AOPEP: variants seen among roughly 807,000 people sequenced by gnomAD.
AOPEP encodes aminopeptidase O.
In AOPEP, 77 loss-of-function variants were observed where a neutral mutation model predicts 98.1. The observed-to-expected ratio is 0.78, with a 90% CI of 0.65 to 0.95. The LOEUF is 0.95. Ranked by LOEUF, AOPEP falls within the 40% of genes least tolerant of loss-of-function variation. The pLI is 0.00. For missense variants in AOPEP, 1,024 were observed against 1,024.7 expected, an observed-to-expected ratio of 1.00 and a Z score of 0.01; for synonymous variants, 346 against 365.3, an observed-to-expected ratio of 0.95 and a Z score of 0.60.
At chr9:95,105,276 A>C in the AOPEP span, among the ~76,000 whole-genome samples, 1 of 152,182 alleles carries the variant, frequency 6.6e-6, no homozygotes, top group Admixed American at 6.5e-5. Flanking sequence ...CTTTCTGTAC[A>C]TGGACATTCA....
intron 5 of AOPEP, among the ~76,000 whole-genome samples, chr9:94,856,013 C>T (rs2044165622): frequency 6.6e-6 from 1 of 152,170 alleles, no homozygotes; most frequent in Non-Finnish European, 1.5e-5. Flanking sequence ...TGGGGTTGCT[C>T]ACACCCTATG....
chr9:95,119,908 T>TA, the AOPEP span, among the ~76,000 whole-genome samples: 3 of 152,170 alleles, frequency 2.0e-5, no homozygotes, highest in Admixed American at 2.0e-4. Context: ...AAAGGGGTCT[T>TA]ACTTTGTTGC....
intron 1 of AOPEP, among the ~76,000 whole-genome samples, chr9:94,728,753 C>T (rs1201017697): frequency 6.6e-6 from 1 of 152,198 alleles, no homozygotes; most frequent in African/African-American, 2.4e-5. Flanking sequence ...CAGAGGCCAC[C>T]TTCAGGCTAT....
rs1588462113 is a variant in AOPEP, at chr9:94,835,645, G to C, written c.1364+34643G>C. 2.0e-5 allele frequency among the ~76,000 whole-genome samples: 3 copies of C among 152,300 alleles called. No individual in the cohort carries two copies. In the South Asian group the frequency reaches 6.2e-4, roughly 32 times the overall value. ...CCTGTTTATGTTGAAATCTTGCTCT[G>C]TCTCTTTCTGTTTAAACCAGACCAG... On this transcript the variant is annotated intron_variant, in intron 5 of 16. Transcript: ENST00000375315.
At chr9:95,029,070 C>T (rs929233734) in intron 13 of AOPEP, among the ~76,000 whole-genome samples, 1 of 152,288 alleles carries the variant, frequency 6.6e-6, no homozygotes, top group East Asian at 1.9e-4. Flanking sequence ...TTGAGCTGTC[C>T]TCGTTTGCTG....
At chr9:94,931,001 T>C (rs2055206843) in intron 7 of AOPEP, among the ~76,000 whole-genome samples, 1 of 152,216 alleles carries the variant, frequency 6.6e-6, no homozygotes. Flanking sequence ...TAAGAGGTCA[T>C]TTCCATTACG....
At chr9:95,090,459 C>G (rs1259984775), downstream of AOPEP, among the ~76,000 whole-genome samples, 1 of 152,214 alleles carries the variant, frequency 6.6e-6, no homozygotes, top group Non-Finnish European at 1.5e-5. Flanking sequence ...CAGGCTGCGC[C>G]AACCTGTGGC....
At chr9:94,794,597 C>T (rs74448655) in intron 4 of AOPEP, among the ~76,000 whole-genome samples, 2,641 of 152,090 alleles carry the variant, frequency 0.017, 79 homozygotes, top group African/African-American at 0.061. Flanking sequence ...AGGTAATTTC[C>T]ACTTCCTGTT....
intron 16 of AOPEP, chr9:95,083,083 G>A (rs575114697): frequency 4.4e-4 from 97 of 220,720 alleles, no homozygotes; most frequent in African/African-American, 1.9e-3. Context: ...TGGCAGAAGC[G>A]CTGGTCCAGT....
chr9:95,030,140 C>A (rs967899170), intron 13 of AOPEP, among the ~76,000 whole-genome samples: 1 of 152,138 alleles, frequency 6.6e-6, no homozygotes, highest in Non-Finnish European at 1.5e-5. Flanking sequence ...CTGTCTGTTA[C>A]AGAAAATTCT....
At chr9:94,848,511 A>G (rs1013243778) in intron 5 of AOPEP, among the ~76,000 whole-genome samples, 6 of 150,944 alleles carry the variant, frequency 4.0e-5, no homozygotes, top group African/African-American at 1.5e-4. Flanking sequence ...AGTCCCAGCT[A>G]CTTGGGAGGC....
chr9:94,861,193 C>G, intron 5 of AOPEP, among the ~76,000 whole-genome samples: 1 of 152,220 alleles, frequency 6.6e-6, no homozygotes, highest in South Asian at 2.1e-4. Context: ...TTGTGGCTCT[C>G]GAGGAGGCTT....
intron 1 of AOPEP, among the ~76,000 whole-genome samples, chr9:94,743,886 C>G (rs1833829785): frequency 6.6e-6 from 1 of 152,278 alleles, no homozygotes; most frequent in South Asian, 2.1e-4. Flanking sequence ...CTTGATGCTG[C>G]GGTAGATGTG....
At chr9:94,750,080 C>G (rs1414864651) in intron 1 of AOPEP, among the ~76,000 whole-genome samples, 2 of 152,202 alleles carry the variant, frequency 1.3e-5, no homozygotes, top group Non-Finnish European at 2.9e-5. Flanking sequence ...ATCAAAATCT[C>G]AGTTTAGTTG....
chr9:94,852,310 G>A (rs2043653834), intron 5 of AOPEP, among the ~76,000 whole-genome samples: 1 of 152,156 alleles, frequency 6.6e-6, no homozygotes, highest in Non-Finnish European at 1.5e-5. Flanking sequence ...TTAATGAGTT[G>A]CCAAGGTTGA....
the AOPEP span, among the ~76,000 whole-genome samples, chr9:95,112,871 C>T: frequency 6.6e-6 from 1 of 152,264 alleles, no homozygotes; most frequent in East Asian, 1.9e-4. Context: ...TGCAGCACCA[C>T]ATGCGCCCTT....
intron 14 of AOPEP, among the ~76,000 whole-genome samples, chr9:95,080,083 C>T (rs553618870): frequency 3.3e-5 from 5 of 152,312 alleles, no homozygotes; most frequent in South Asian, 2.1e-4. Context: ...GCAGCCTGGT[C>T]GGAATGTGCA....
the AOPEP span, chr9:95,135,235 G>T: frequency 9.6e-7 from 1 of 1,045,124 alleles, no homozygotes; most frequent in African/African-American, 1.6e-5. Flanking sequence ...TATATATAAA[G>T]GTTCCAATTG....
chr9:95,146,017 T>C, the AOPEP span, among the ~76,000 whole-genome samples: 1 of 151,672 alleles, frequency 6.6e-6, no homozygotes, highest in Admixed American at 6.6e-5. Flanking sequence ...GGAAGAAAAA[T>C]TCTAAGACAA....
Sources: gnomAD v4.1 joint callset for allele counts (sites outside exome capture counted in the v4.1 genomes callset) on GRCh38, gnomAD v4.1.1 for gene constraint, MANE v1.5 for transcripts, NCBI Gene and HGNC (gene_info 2026-07-23, HGNC 2026-07-21) for gene names.